The following SOS2 variants were observed in gnomAD, a reference collection of about 807,000 sequenced individuals.
SOS2 encodes the protein son of sevenless homolog 2.
Under a neutral mutation model 148.2 loss-of-function variants are expected in SOS2, and 65 were observed. The ratio of observed to expected loss-of-function variants is 0.44; its 90% CI spans 0.36 to 0.54. SOS2 has a LOEUF of 0.54. Ranked by LOEUF, SOS2 falls within the 20% of genes least tolerant of loss-of-function variation. The pLI is 0.00. For missense variants in SOS2, 1,341 were observed against 1,590.2 expected (o/e 0.84, Z 2.67); for synonymous variants, 539 against 537.1 (o/e 1.00, Z -0.05).
chr14:50,130,382 T>TATC (rs543180157), intron 20 of SOS2, 119 bp downstream of exon 20: 118 of 784,602 alleles, frequency 1.5e-4, no homozygotes, highest in African/African-American at 1.4e-3. Flanking sequence ...CACATTTAGA[T>TATC]ATCACTTTTC....
chr14:50,136,458 T>C (rs141526322), intron 18 of SOS2, among the ~76,000 whole-genome samples: 1 of 152,264 alleles, frequency 6.6e-6, no homozygotes, highest in Non-Finnish European at 1.5e-5. Flanking sequence ...AAGTGTAACA[T>C]TATTCCTGTG....
Position 50,231,190 on chromosome 14 carries a change from C to G in SOS2, c.87+7G>C, listed in dbSNP as rs1440821685. ...CACCCGCCGGCCGCCCCGCCCCTAGCACTGACCTTCCGCAGGGCCGAGACC... is the reference window on the plus strand; with the variant it reads ...CACCCGCCGGCCGCCCCGCCCCTAGGACTGACCTTCCGCAGGGCCGAGACC... On this transcript the variant is annotated splice_region_variant and intron_variant, in intron 1 of 22. Transcript: ENST00000216373. 1 of 1,462,752 alleles carries G rather than the reference C, an allele frequency of 6.8e-7. No individual in the cohort carries two copies. Among genetic ancestry groups the G allele is most frequent in the Non-Finnish European group, 9.2e-7 (1 of 1,089,648 alleles). 90.6% of individuals were successfully genotyped at this position (1,462,752 alleles called of 1,614,324 possible). A position where few individuals can be genotyped will look rare whatever the true frequency, so the allele number is the denominator to read the frequency against.
chr14:50,151,627 T>C (rs1884666529), intron 13 of SOS2, among the ~76,000 whole-genome samples: 1 of 152,374 alleles, frequency 6.6e-6, no homozygotes, highest in Admixed American at 6.5e-5. Flanking sequence ...CTTTGGACAT[T>C]AACATAACCA....
At position 50,217,346 on chromosome 14, in the gene SOS2, A is replaced by G. The variant is rs8009521; in HGVS notation, c.88-12937T>C. Among the ~76,000 whole-genome samples, 166 of 152,026 alleles carry G rather than the reference A, an allele frequency of 1.1e-3. 2 individuals carry two copies. The highest frequency in any genetic ancestry group is 3.0e-3 in the African/African-American group (123 of 41,436). ...CCATAAGACAAGGTGAGATTTTTTT[A>G]AAAAAGAAAAAGTGATTCAAATGAG... On this transcript the variant is annotated intron_variant, in intron 1 of 22. Transcript: ENST00000216373.
intron 4 of SOS2, among the ~76,000 whole-genome samples, chr14:50,194,938 G>C (rs926071003): frequency 1.4e-4 from 22 of 151,744 alleles, no homozygotes; most frequent in Non-Finnish European, 2.4e-4. Flanking sequence ...TTTAATTCAA[G>C]GTTTATCAGA....
rs369883158 is a variant in SOS2 at position 50,155,058 on chromosome 14, CA to C, written c.2058-1886del. ...TAAGGAGTGTACTTCAAAATTCATA[CA>C]AAAAAATGAACTGATAGATGAATGA... is the stretch of plus-strand genomic sequence containing the variant. On this transcript the variant is annotated intron_variant, in intron 12 of 22. Transcript: ENST00000216373. 3.2e-3 allele frequency among the ~76,000 whole-genome samples: 477 copies of C among 151,356 alleles called. 7 individuals carry two copies. Among genetic ancestry groups the C allele is most frequent in the African/African-American group, 0.011 (451 of 41,212 alleles).
Position 50,117,738 on chromosome 14 carries a change from A to G in SOS2, c.*606T>C, listed in dbSNP as rs1336022950. 1 of 152,282 alleles carries G rather than the reference A, an allele frequency of 6.6e-6. No individual in the cohort carries two copies. The highest frequency in any genetic ancestry group is 1.5e-5 in the Non-Finnish European group (1 of 68,080). The allele number at this position is 152,282 out of a possible 1,614,324, so 9.4% of individuals were successfully genotyped here. ...TCATTGGGTTATGTAGTCTTTGTTTACATTTTGACAAAATAATAAACACTT... is the reference window on the plus strand; with the variant it reads ...TCATTGGGTTATGTAGTCTTTGTTTGCATTTTGACAAAATAATAAACACTT... On this transcript the variant is annotated 3_prime_UTR_variant, in exon 23 of 23. Coordinates refer to ENST00000216373, the MANE Select transcript of SOS2 (RefSeq NM_006939.4).
At chr14:50,166,204 AT>A (rs1885157116) in intron 8 of SOS2, among the ~76,000 whole-genome samples, 1 of 152,132 alleles carries the variant, frequency 6.6e-6, no homozygotes, top group South Asian at 2.1e-4. Flanking sequence ...AATAAAAGTG[AT>A]TGTTTATTAA....
Position 50,118,830 on chromosome 14 carries a change from A to G in SOS2, c.3513T>C (p.Asp1171=), listed in dbSNP as rs759624286. ...GCTGTCTCGGTGGAATAGCAGGAGGATCATCATCAGATTTCATATTTCCCT... is the reference window on the plus strand; with the variant it reads ...GCTGTCTCGGTGGAATAGCAGGAGGGTCATCATCAGATTTCATATTTCCCT... The part of the protein sequence containing the change: ...NSKGNMKSDD[D]PPAIPPRQPP... The change falls in exon 23 of 23, where the codon GAT becomes GAC. Residue 1171 remains aspartate (D), a synonymous_variant. Transcript: ENST00000216373. The G allele has an allele frequency of 2.0e-6, 3 of 1,466,344 alleles. No homozygotes were observed. Among genetic ancestry groups the G allele is most frequent in the Non-Finnish European group, 1.8e-6 (2 of 1,102,294 alleles). The allele number at this position is 1,466,344 out of a possible 1,614,324, so 90.8% of individuals were successfully genotyped here. A position where few individuals can be genotyped will look rare whatever the true frequency, so the allele number is the denominator to read the frequency against.
chr14:50,123,429 T>G (rs1482032272), intron 21 of SOS2, among the ~76,000 whole-genome samples: 2 of 140,870 alleles, frequency 1.4e-5, no homozygotes, highest in Non-Finnish European at 3.0e-5. Flanking sequence ...TCGCCCAGGC[T>G]GGAGAGCAGT....
rs61670462 is a variant in SOS2, at chr14:50,120,078, C to T, written c.3489+197G>A. Among the ~76,000 whole-genome samples the T allele has an allele frequency of 9.2e-3, 1,406 of 152,222 alleles. 18 individuals are homozygous for T. Among genetic ancestry groups the T allele is most frequent in the African/African-American group, 0.032 (1,324 of 41,530 alleles). On this transcript the variant is annotated intron_variant, in intron 22 of 22. Coordinates refer to ENST00000216373, the MANE Select transcript of SOS2 (RefSeq NM_006939.4). ...TCTACCCGCCTGGCATGAGCCACTGCGCCCGGCCCAGCCTCTTATTTAGAA... is the reference window on the plus strand; with the variant it reads ...TCTACCCGCCTGGCATGAGCCACTGTGCCCGGCCCAGCCTCTTATTTAGAA...
chr14:50,176,084 G>A (rs538193373), intron 7 of SOS2, among the ~76,000 whole-genome samples: 1 of 152,190 alleles, frequency 6.6e-6, no homozygotes, highest in Non-Finnish European at 1.5e-5. Flanking sequence ...TGGATATGAG[G>A]GCAGAGCCCC....
At chr14:50,226,140 C>T (rs1300502903) in intron 1 of SOS2, among the ~76,000 whole-genome samples, 2 of 152,094 alleles carry the variant, frequency 1.3e-5, no homozygotes, top group African/African-American at 4.8e-5. Context: ...CTACATCTTC[C>T]GTATCAAGAA....
chr14:50,231,557 CCGG>C lies in SOS2; in HGVS notation c.-277_-275del, dbSNP rs1207724660. Reference sequence around the variant, plus strand: ...CGACCCCGGGCGGCGACCTCCTTTCCCGGCGGCGCTGGCCCGCTTCTGGGGCGG... The same window carrying C: ...CGACCCCGGGCGGCGACCTCCTTTCCCGGCGCTGGCCCGCTTCTGGGGCGG... On this transcript the variant is annotated 5_prime_UTR_variant, in exon 1 of 23. Coordinates refer to ENST00000216373, the MANE Select transcript of SOS2 (RefSeq NM_006939.4). 6.6e-6 allele frequency: 1 copy of C among 152,282 alleles called. No homozygotes were observed. The highest frequency in any genetic ancestry group is 1.9e-4 in the East Asian group (1 of 5,148). The allele number at this position is 152,282 out of a possible 1,614,324, so 9.4% of individuals were successfully genotyped here.
At chr14:50,213,529 G>A (rs778846067) in intron 1 of SOS2, among the ~76,000 whole-genome samples, 9 of 151,862 alleles carry the variant, frequency 5.9e-5, no homozygotes, top group African/African-American at 1.2e-4. Flanking sequence ...GTGAAACCCC[G>A]TCTCTACTAA....
rs1285858790 is a variant in SOS2, at chr14:50,182,618, G to T, written c.715-12C>A. 1 of 1,591,260 alleles carries T rather than the reference G, an allele frequency of 6.3e-7. No homozygotes were observed. Among genetic ancestry groups the T allele is most frequent in the Non-Finnish European group, 8.6e-7 (1 of 1,163,242 alleles). On this transcript the variant is annotated splice_polypyrimidine_tract_variant and intron_variant, in intron 5 of 22. Coordinates refer to ENST00000216373, the MANE Select transcript of SOS2 (RefSeq NM_006939.4). ...ATCTTTTCGATATCCTGAAAAAAGA[G>T]AAGGAAGGTTAAGAAATGTGAGATT...
intron 16 of SOS2, among the ~76,000 whole-genome samples, chr14:50,144,635 G>A (rs1188862178): frequency 1.3e-5 from 2 of 151,534 alleles, no homozygotes; most frequent in Non-Finnish European, 2.9e-5. Context: ...ATGGGGTTTC[G>A]CCGCGTTGTC....
chr14:50,118,647 A>G lies in SOS2; in HGVS notation c.3696T>C (p.Phe1232=). Residue 1232 remains phenylalanine (F), a synonymous_variant, in exon 23 of 23, where the codon TTT becomes TTC. Transcript: ENST00000216373. The stretch of plus-strand genomic sequence containing the variant: ...GCCCCAGTGGAGGTGGCTGAAGATT[A>G]AATGGACAGTTTATAAAGTGTTCTG... ...RPPEHFINCP[F]NLQPPPLGHL... is the part of the protein sequence containing the mutation. 6.2e-7 allele frequency: 1 copy of G among 1,614,026 alleles called. No individual in the cohort carries two copies. Among genetic ancestry groups the G allele is most frequent in the Non-Finnish European group, 8.5e-7 (1 of 1,179,988 alleles).
intron 18 of SOS2, 39 bp from the exon 19 acceptor site, chr14:50,134,278 G>T: frequency 3.3e-6 from 3 of 903,206 alleles, no homozygotes; most frequent in Non-Finnish European, 5.3e-6. Context: ...TATATAGTAA[G>T]TATATATTTT....
Sources: allele counts gnomAD v4.1 joint callset (sites outside exome capture counted in the v4.1 genomes callset), GRCh38; gene constraint gnomAD v4.1.1; transcripts MANE v1.5; gene names NCBI Gene and HGNC (gene_info 2026-07-23, HGNC 2026-07-21).